GAB3: variants seen among roughly 807,000 people sequenced by gnomAD.
The protein encoded by GAB3 is GRB2-associated-binding protein 3.
GAB3 carries 12 observed loss-of-function variants against 40.4 expected under a neutral mutation model. The observed-to-expected ratio is 0.30, with a 90% confidence interval of 0.19 to 0.48. The LOEUF is 0.48. Ranked by LOEUF, GAB3 falls within the 20% of genes least tolerant of loss-of-function variation. The pLI is 0.99. For synonymous variants in GAB3, 154 were observed against 176.7 expected, an observed-to-expected ratio of 0.87 and a Z score of 1.02; for missense variants, 381 against 461.9, an observed-to-expected ratio of 0.82 and a Z score of 1.61.
intron 4 of GAB3, among the ~76,000 whole-genome samples, chrX:154,709,300 C>G (rs1486576856): frequency 1.0e-5 from 1 of 98,764 alleles, no homozygotes; most frequent in African/African-American, 3.6e-5. Flanking sequence ...TATAAATTAC[C>G]CAAATTACCC....
chrX:154,707,161 T>G (rs1353638461), intron 4 of GAB3, among the ~76,000 whole-genome samples: 5 of 111,336 alleles, frequency 4.5e-5, no homozygotes, highest in Admixed American at 9.5e-5. Flanking sequence ...ATCTCCCTCA[T>G]GAACACAGAT....
chrX:154,722,224 G>A (rs1432913363), intron 1 of GAB3, among the ~76,000 whole-genome samples: 1 of 110,824 alleles, frequency 9.0e-6, no homozygotes, highest in African/African-American at 3.3e-5. Context: ...TTGTACGTGG[G>A]GGGAAAAGGT....
intron 8 of GAB3, among the ~76,000 whole-genome samples, chrX:154,681,577 A>G (rs933171260): frequency 5.4e-5 from 6 of 110,431 alleles, no homozygotes; most frequent in Non-Finnish European, 1.1e-4. Context: ...ATCACAGTCT[A>G]GCTTCTTGTC....
At chrX:154,682,908 G>A (rs1467646324) in intron 8 of GAB3, among the ~76,000 whole-genome samples, 15 of 111,561 alleles carry the variant, frequency 1.3e-4, no homozygotes, top group African/African-American at 4.9e-4. Flanking sequence ...AACCCGGGAG[G>A]CAGAGGTTGC....
At chrX:154,730,708 G>C (rs781968301) in intron 1 of GAB3, among the ~76,000 whole-genome samples, 67 of 112,083 alleles carry the variant, frequency 6.0e-4, no homozygotes, top group Non-Finnish European at 1.1e-3. Context: ...TGCCAAGGGG[G>C]GCCACAAAGG....
chrX:154,729,417 G>C (rs1355369026), intron 1 of GAB3, among the ~76,000 whole-genome samples: 2 of 111,706 alleles, frequency 1.8e-5, no homozygotes, highest in Non-Finnish European at 3.8e-5. Context: ...ATGATGCTCG[G>C]TGCAATGAAC....
At chrX:154,723,614 A>G (rs2071169561) in intron 1 of GAB3, among the ~76,000 whole-genome samples, 1 of 111,736 alleles carries the variant, frequency 8.9e-6, no homozygotes, top group Non-Finnish European at 1.9e-5. Flanking sequence ...GCTGGCTTCA[A>G]GTAGCTGCAC....
intron 8 of GAB3, among the ~76,000 whole-genome samples, chrX:154,689,144 A>C (rs2070509067): frequency 8.9e-6 from 1 of 111,991 alleles, no homozygotes; most frequent in Admixed American, 9.4e-5. Context: ...CCAGCATATA[A>C]ACAGAACCAA....
In GAB3 at chrX:154,700,266, A is replaced by T. The variant is rs782623039; in HGVS notation, c.1070-207T>A. Among the ~76,000 whole-genome samples the T allele has an allele frequency of 3.6e-5, 4 of 112,121 alleles. No individual in the cohort carries two copies. In the South Asian group the frequency reaches 1.5e-3, roughly 42 times the overall value. On this transcript the variant is annotated intron_variant, in intron 4 of 9. Transcript: ENST00000424127. ...TGAGTTCTCTCTGTGAAATAGGAGG[A>T]GACATAGCAAGTAATTAACAAATTC...
chrX:154,717,282 C>A (rs1398556732), intron 1 of GAB3, among the ~76,000 whole-genome samples: 3 of 110,827 alleles, frequency 2.7e-5, no homozygotes, highest in Non-Finnish European at 5.7e-5. Context: ...GCATTCACCC[C>A]CTAAGTCACA....
intron 1 of GAB3, among the ~76,000 whole-genome samples, chrX:154,746,969 A>G (rs2071538223): frequency 8.9e-6 from 1 of 112,693 alleles, no homozygotes; most frequent in Admixed American, 9.4e-5. Flanking sequence ...GATCAATGGA[A>G]CAGACTAGAG....
intron 1 of GAB3, among the ~76,000 whole-genome samples, chrX:154,738,734 G>A (rs1490078514): frequency 1.8e-5 from 2 of 111,725 alleles, no homozygotes; most frequent in Non-Finnish European, 3.8e-5. Context: ...TTTCCCTTCT[G>A]CTGCATTCAC....
chrX:154,731,195 G>A (rs782462057), intron 1 of GAB3, among the ~76,000 whole-genome samples: 59 of 112,216 alleles, frequency 5.3e-4, no homozygotes, highest in Middle Eastern at 4.6e-3. Context: ...ACCTGGGAGG[G>A]TCACTAATAT....
At chrX:154,725,358 G>A (rs1052527620) in intron 1 of GAB3, among the ~76,000 whole-genome samples, 1 of 111,726 alleles carries the variant, frequency 9.0e-6, no homozygotes, top group Non-Finnish European at 1.9e-5. Flanking sequence ...CACTGAACTT[G>A]CCTCCTACCC....
intron 8 of GAB3, among the ~76,000 whole-genome samples, chrX:154,686,987 C>T (rs944137147): frequency 1.8e-5 from 2 of 108,375 alleles, no homozygotes; most frequent in Non-Finnish European, 3.8e-5. Flanking sequence ...GTCGGGGGTT[C>T]GAGACCAGCC....
At chrX:154,744,212 CAAAAAAAAAAAAAAAA>C (rs56796528) in intron 1 of GAB3, among the ~76,000 whole-genome samples, 1 of 30,574 alleles carries the variant, frequency 3.3e-5, no homozygotes, top group African/African-American at 3.2e-4. Context: ...GATTCCATCT[CAAAAAAAAAAAAAAAA>C]AAAAAAAAAA....
chrX:154,734,570 G>A (rs1557260327), intron 1 of GAB3, among the ~76,000 whole-genome samples: 1 of 112,280 alleles, frequency 8.9e-6, no homozygotes, highest in East Asian at 2.8e-4. Context: ...TACTTGGCAG[G>A]AAGACACTGT....
At chrX:154,740,691 G>A (rs1234299619) in intron 1 of GAB3, among the ~76,000 whole-genome samples, 6 of 111,492 alleles carry the variant, frequency 5.4e-5, no homozygotes, top group African/African-American at 1.6e-4. Flanking sequence ...GGTAGCCCAC[G>A]ACCCAGAAAA....
intron 4 of GAB3, among the ~76,000 whole-genome samples, chrX:154,708,378 C>T (rs908522411): frequency 1.3e-4 from 14 of 111,802 alleles, no homozygotes; most frequent in South Asian, 3.7e-4. Flanking sequence ...AATAAACAAG[C>T]GGAGCTACAT....
Sources: allele counts gnomAD v4.1 joint callset (sites outside exome capture counted in the v4.1 genomes callset), GRCh38; gene constraint gnomAD v4.1.1; transcripts MANE v1.5; gene names NCBI Gene and HGNC (gene_info 2026-07-23, HGNC 2026-07-21).